RAPGEF5: variants seen among roughly 807,000 people sequenced by gnomAD.
The protein encoded by RAPGEF5 is Rap guanine nucleotide exchange factor 5, also known as M-Ras-regulated GEF.
A neutral mutation model predicts 125.2 loss-of-function variants in RAPGEF5; 65 were observed. The ratio of observed to expected loss-of-function variants is 0.52; its 90% confidence interval spans 0.43 to 0.64. RAPGEF5 has a LOEUF of 0.64. Among genes scored for constraint, RAPGEF5 ranks in the 30% least tolerant of loss-of-function variants. The pLI is 0.00. For synonymous variants in RAPGEF5, 391 were observed against 385.9 expected (o/e 1.01, Z -0.16); for missense variants, 958 against 1,048.1 (o/e 0.91, Z 1.19).
At chr7:22,140,829 C>T (rs1783234852) in intron 20 of RAPGEF5, among the ~76,000 whole-genome samples, 1 of 152,098 alleles carries the variant, frequency 6.6e-6, no homozygotes, top group Admixed American at 6.6e-5. Context: ...CGGGATTTCA[C>T]GGCAGCCAGA....
chr7:22,226,027 T>C (rs1254484076), intron 8 of RAPGEF5, among the ~76,000 whole-genome samples: 1 of 152,220 alleles, frequency 6.6e-6, no homozygotes, highest in East Asian at 1.9e-4. Context: ...ACATGGATGA[T>C]AAATGAGCAT....
chr7:22,277,161 T>C (rs1273127728), intron 6 of RAPGEF5, among the ~76,000 whole-genome samples: 1 of 152,238 alleles, frequency 6.6e-6, no homozygotes, highest in Non-Finnish European at 1.5e-5. Context: ...AATGAACTTT[T>C]AGATTTCTAT....
chr7:22,318,663 C>T (rs1043601787), intron 1 of RAPGEF5, among the ~76,000 whole-genome samples: 1 of 152,180 alleles, frequency 6.6e-6, no homozygotes, highest in South Asian at 2.1e-4. Flanking sequence ...CCACTCATAA[C>T]CCTGCCTTTA....
intron 17 of RAPGEF5, among the ~76,000 whole-genome samples, chr7:22,151,571 T>G (rs1440591854): frequency 6.6e-6 from 1 of 151,566 alleles, no homozygotes; most frequent in Non-Finnish European, 1.5e-5. Flanking sequence ...TTCAAGTGAT[T>G]CTCCAACCTC....
At chr7:22,244,772 C>T (rs757914949) in intron 7 of RAPGEF5, among the ~76,000 whole-genome samples, 6 of 152,018 alleles carry the variant, frequency 3.9e-5, no homozygotes, top group Admixed American at 1.3e-4. Flanking sequence ...GGTAGGCGAC[C>T]GCTGCTGAAA....
chr7:22,345,207 C>G (rs1482484113), intron 1 of RAPGEF5, among the ~76,000 whole-genome samples: 1 of 152,212 alleles, frequency 6.6e-6, no homozygotes, highest in East Asian at 1.9e-4. Context: ...GACTGAGAAG[C>G]CCAGCCTAAG....
intron 18 of RAPGEF5, 123 bp from the exon 19 acceptor site, chr7:22,147,142 A>G: frequency 7.9e-7 from 1 of 1,272,976 alleles, no homozygotes; most frequent in Non-Finnish European, 1.1e-6. Context: ...TGCACTTAAT[A>G]TTTTCCCTGG....
At chr7:22,128,714 T>C (rs973694206) in intron 24 of RAPGEF5, among the ~76,000 whole-genome samples, 1 of 152,152 alleles carries the variant, frequency 6.6e-6, no homozygotes, top group Non-Finnish European at 1.5e-5. Flanking sequence ...GCATGAGGCA[T>C]GCTGTGGACC....
At chr7:22,122,940 T>C (rs541058132) in intron 25 of RAPGEF5, among the ~76,000 whole-genome samples, 2 of 152,276 alleles carry the variant, frequency 1.3e-5, no homozygotes, top group East Asian at 3.9e-4. Context: ...TATATCTCAG[T>C]CTAGAAGCGT....
intron 6 of RAPGEF5, among the ~76,000 whole-genome samples, chr7:22,276,908 T>C (rs1782571480): frequency 6.6e-6 from 1 of 152,230 alleles, no homozygotes; most frequent in African/African-American, 2.4e-5. Flanking sequence ...ATAGTTGAGC[T>C]GAATGACAGA....
At chr7:22,145,967 C>CGTGT (rs71864981) in intron 19 of RAPGEF5, among the ~76,000 whole-genome samples, 9,929 of 143,884 alleles carry the variant, frequency 0.069, 386 homozygotes, top group African/African-American at 0.12. Context: ...TGTTTGTGTG[C>CGTGT]GTGTGTGTGT....
At chr7:22,344,280 C>A (rs1054976551) in intron 1 of RAPGEF5, among the ~76,000 whole-genome samples, 15 of 152,156 alleles carry the variant, frequency 9.9e-5, no homozygotes, top group Admixed American at 9.8e-4. Context: ...CTTACCTGGG[C>A]TCCTCCATCC....
intron 7 of RAPGEF5, among the ~76,000 whole-genome samples, chr7:22,245,273 C>T (rs1005574210): frequency 6.6e-6 from 1 of 152,130 alleles, no homozygotes; most frequent in Non-Finnish European, 1.5e-5. Context: ...TCTCTTCATT[C>T]TGTTAATTAC....
chr7:22,216,171 G>A (rs1350723834), intron 9 of RAPGEF5, among the ~76,000 whole-genome samples: 1 of 152,130 alleles, frequency 6.6e-6, no homozygotes, highest in East Asian at 1.9e-4. Flanking sequence ...CACTATGGTA[G>A]CTTTCTAAAG....
At chr7:22,157,993 T>C (rs898755206) in intron 14 of RAPGEF5, 108 bp from the exon 15 acceptor site, 8 of 970,890 alleles carry the variant, frequency 8.2e-6, no homozygotes, top group East Asian at 2.5e-5. Context: ...TTTTGCTCTT[T>C]AAAAAAAATA....
chr7:22,186,050 T>G (rs1015847040), intron 11 of RAPGEF5, among the ~76,000 whole-genome samples: 5 of 152,228 alleles, frequency 3.3e-5, no homozygotes, highest in Admixed American at 6.5e-5. Flanking sequence ...GGTCTCGAAC[T>G]CCTGACCTCA....
Position 22,220,001 on chromosome 7 carries a change from T to C in RAPGEF5, c.871-10A>G, listed in dbSNP as rs1785744426. ...TGCACATCACCCCTGCCTTAAGAGTTGGAGAAAAAGCGAAGATATACTTAA... is the reference window on the plus strand; with the variant it reads ...TGCACATCACCCCTGCCTTAAGAGTCGGAGAAAAAGCGAAGATATACTTAA... On this transcript the variant is annotated splice_polypyrimidine_tract_variant and intron_variant, in intron 8 of 25. Coordinates refer to ENST00000665637, the MANE Select transcript of RAPGEF5 (RefSeq NM_012294.5). 1 of 1,613,060 alleles carries C rather than the reference T, an allele frequency of 6.2e-7. No individual in the cohort carries two copies. Among genetic ancestry groups the C allele is most frequent in the East Asian group, 2.2e-5 (1 of 44,810 alleles).
chr7:22,175,742 T>C (rs1163985398), intron 11 of RAPGEF5, among the ~76,000 whole-genome samples: 4 of 152,206 alleles, frequency 2.6e-5, no homozygotes, highest in Admixed American at 1.3e-4. Context: ...AAAATTAATT[T>C]AAACATAATA....
chr7:22,202,954 T>C (rs1583478491), intron 9 of RAPGEF5: 1 of 327,550 alleles, frequency 3.1e-6, no homozygotes, highest in Non-Finnish European at 6.2e-6. Context: ...ATTGTAACTG[T>C]ATGCCATCCA....
Sources: allele counts gnomAD v4.1 joint callset (sites outside exome capture counted in the v4.1 genomes callset), GRCh38; gene constraint gnomAD v4.1.1; transcripts MANE v1.5; gene names NCBI Gene and HGNC (gene_info 2026-07-23, HGNC 2026-07-21).